Variants in TAOK1 observed in about 807,000 individuals in gnomAD.
TAOK1 encodes the protein TAO kinase 1, also known as serine/threonine-protein kinase TAO1.
TAOK1 carries 21 observed loss-of-function variants against 138.3 expected under a neutral mutation model. The observed-to-expected ratio is 0.15, with a 90% confidence interval of 0.11 to 0.22. The LOEUF (loss-of-function observed/expected upper bound fraction) is 0.22, where lower values mean the gene tolerates loss of function less well. Ranked by LOEUF, TAOK1 falls within the 10% of genes least tolerant of loss-of-function variation. The probability of loss-of-function intolerance (pLI) is 1.00; values close to 1 mark genes in which losing one functional copy is unlikely to be tolerated. For synonymous variants in TAOK1, 361 were observed against 398.4 expected (o/e 0.91, Z 1.12); for missense variants, 651 against 1,227.7 (o/e 0.53, Z 7.02).
chr17:29,464,193 TG>T (rs1206295293), intron 2 of TAOK1, among the ~76,000 whole-genome samples: 2 of 151,526 alleles, frequency 1.3e-5, no homozygotes, highest in African/African-American at 4.9e-5. Context: ...CCCAGCACTA[TG>T]GGAGGCCAAG....
intron 17 of TAOK1, among the ~76,000 whole-genome samples, chr17:29,522,945 C>T (rs1412337970): frequency 1.3e-5 from 2 of 152,004 alleles, no homozygotes; most frequent in African/African-American, 4.8e-5. Flanking sequence ...TGTGGCGGCA[C>T]ATGCCTATAG....
intron 12 of TAOK1, among the ~76,000 whole-genome samples, chr17:29,500,140 C>T (rs1315730600): frequency 1.3e-5 from 2 of 151,964 alleles, no homozygotes; most frequent in Non-Finnish European, 2.9e-5. Flanking sequence ...TGGTGAAACC[C>T]TGTCTCCGCA....
chr17:29,445,292 T>A (rs557929256), intron 1 of TAOK1: 1 of 152,520 alleles, frequency 6.6e-6, no homozygotes, highest in East Asian at 1.9e-4. Flanking sequence ...CAAGTTATTT[T>A]AAAATGTGCA....
At chr17:29,534,928 G>GGGGT (rs746742307) in intron 19 of TAOK1, among the ~76,000 whole-genome samples, 1 of 147,222 alleles carries the variant, frequency 6.8e-6, no homozygotes, top group Non-Finnish European at 1.5e-5. Context: ...AGGATACTAA[G>GGGGT]GTGTGTGTGT....
At chr17:29,446,397 A>C (rs1046373285) in intron 1 of TAOK1, among the ~76,000 whole-genome samples, 5 of 151,884 alleles carry the variant, frequency 3.3e-5, no homozygotes, top group African/African-American at 1.2e-4. Flanking sequence ...GTGCACTACC[A>C]CGCCCAGCTA....
intron 1 of TAOK1, among the ~76,000 whole-genome samples, chr17:29,392,495 G>T (rs1904466573): frequency 6.6e-6 from 1 of 152,164 alleles, no homozygotes; most frequent in Admixed American, 6.5e-5. Flanking sequence ...CTGGTTTACA[G>T]TAGTACTTGT....
At chr17:29,516,431 T>G (rs1274776566) in intron 15 of TAOK1, among the ~76,000 whole-genome samples, 2 of 151,570 alleles carry the variant, frequency 1.3e-5, no homozygotes, top group Non-Finnish European at 2.9e-5. Flanking sequence ...GCCTCCCAGG[T>G]TCAAGCAACG....
intron 19 of TAOK1, among the ~76,000 whole-genome samples, chr17:29,538,118 A>AC (rs1256338122): frequency 6.8e-4 from 103 of 152,088 alleles, no homozygotes; most frequent in African/African-American, 2.4e-3. Flanking sequence ...CTCAAAAAAA[A>AC]AAAAAAAAAA....
chr17:29,494,900 G>A (rs1295904532), intron 10 of TAOK1, among the ~76,000 whole-genome samples: 1 of 151,218 alleles, frequency 6.6e-6, no homozygotes, highest in Non-Finnish European at 1.5e-5. Context: ...ATGTCTTTCT[G>A]GAATTTACAT....
At chr17:29,519,701 C>A (rs2031882739) in intron 16 of TAOK1, among the ~76,000 whole-genome samples, 1 of 152,028 alleles carries the variant, frequency 6.6e-6, no homozygotes, top group African/African-American at 2.4e-5. Flanking sequence ...GTAAAAGATA[C>A]AATCAATCCT....
intron 1 of TAOK1, among the ~76,000 whole-genome samples, chr17:29,419,924 A>G (rs576442513): frequency 6.6e-6 from 1 of 151,980 alleles, no homozygotes; most frequent in Non-Finnish European, 1.5e-5. Context: ...CTGTTGCCCA[A>G]GCTCGAGTGC....
intron 15 of TAOK1, 187 bp downstream of exon 15, chr17:29,511,179 A>G: frequency 2.7e-6 from 1 of 370,270 alleles, no homozygotes; most frequent in Non-Finnish European, 4.9e-6. Context: ...GTTGAGTAGG[A>G]TTTAAAATGA....
chr17:29,466,828 A>AT (rs1191021570), intron 2 of TAOK1, among the ~76,000 whole-genome samples: 5 of 152,158 alleles, frequency 3.3e-5, no homozygotes, highest in African/African-American at 1.2e-4. Context: ...CTTTATTAGC[A>AT]TAGACTTTTA....
intron 16 of TAOK1, among the ~76,000 whole-genome samples, chr17:29,518,232 T>C (rs2031853331): frequency 6.6e-6 from 1 of 152,206 alleles, no homozygotes; most frequent in Non-Finnish European, 1.5e-5. Context: ...CCGAACACTT[T>C]GGGAGGCCAA....
intron 19 of TAOK1, among the ~76,000 whole-genome samples, chr17:29,534,502 CAAGGGA>C (rs2032189090): frequency 6.6e-6 from 1 of 152,064 alleles, no homozygotes; most frequent in African/African-American, 2.4e-5. Context: ...CTCCAGAAAT[CAAGGGA>C]ATATAATTAA....
rs1336616807 is a variant in TAOK1, at chr17:29,548,428, C to CT, written c.*5407dup. The CT allele has an allele frequency of 6.6e-6, 1 of 151,590 alleles. No homozygotes were observed. The highest frequency in any genetic ancestry group is 1.5e-5 in the Non-Finnish European group (1 of 67,894). The allele number at this position is 151,590 out of a possible 1,614,324, so 9.4% of individuals were successfully genotyped here. A position where few individuals can be genotyped will look rare whatever the true frequency, so the allele number is the denominator to read the frequency against. On this transcript the variant is annotated 3_prime_UTR_variant, in exon 20 of 20. Coordinates refer to ENST00000261716, the MANE Select transcript of TAOK1 (RefSeq NM_020791.4). ...GTGTATTTTTTTTTTGTATATATGT[C>CT]TGTGTGATTGTATTGTTTTGTTTCT...
chr17:29,458,697 T>C (rs914644168), intron 2 of TAOK1, among the ~76,000 whole-genome samples: 8 of 151,866 alleles, frequency 5.3e-5, no homozygotes, highest in Non-Finnish European at 7.4e-5. Flanking sequence ...TTATTTATTT[T>C]ATTTGTTTTT....
chr17:29,457,089 C>CTT lies in TAOK1; in HGVS notation c.132+5430_132+5431dup, dbSNP rs548221652. Among the ~76,000 whole-genome samples the CTT allele has an allele frequency of 9.3e-3, 1,000 of 107,348 alleles. 15 individuals are homozygous for CTT. The highest frequency in any genetic ancestry group is 0.012 in the Non-Finnish European group (652 of 53,590). 70.4% of individuals were successfully genotyped at this position (107,348 alleles called of 152,430 possible). On this transcript the variant is annotated intron_variant, in intron 2 of 19. Coordinates refer to ENST00000261716, the MANE Select transcript of TAOK1 (RefSeq NM_020791.4). ...TCTTTTCTTCTCTTTTTTTCTTTTTCTTTTTTTTTTTTTTTTTTTTTTGAG... is the reference window on the plus strand; with the variant it reads ...TCTTTTCTTCTCTTTTTTTCTTTTTCTTTTTTTTTTTTTTTTTTTTTTTTGAG...
chr17:29,392,210 C>T (rs1345645421), intron 1 of TAOK1, among the ~76,000 whole-genome samples: 1 of 151,140 alleles, frequency 6.6e-6, no homozygotes, highest in East Asian at 1.9e-4. Context: ...AGCGAGACTC[C>T]GTTTCAAAAA....
Sources: allele counts gnomAD v4.1 joint callset (sites outside exome capture counted in the v4.1 genomes callset), GRCh38; gene constraint gnomAD v4.1.1; transcripts MANE v1.5; gene names NCBI Gene and HGNC (gene_info 2026-07-23, HGNC 2026-07-21).